STRN: variants seen among roughly 807,000 people sequenced by gnomAD.
STRN encodes protein phosphatase 2 regulatory subunit B'''alpha.
A neutral mutation model predicts 96.3 loss-of-function variants in STRN; 53 were observed. The observed-to-expected ratio is 0.55, with a 90% confidence interval of 0.44 to 0.69. The LOEUF is 0.69. Among genes scored for constraint, STRN ranks in the 30% least tolerant of loss-of-function variants. The pLI, the probability that STRN is intolerant of heterozygous loss-of-function variation, is 0.00. For missense variants in STRN, 987 were observed against 963.9 expected (o/e 1.02, Z -0.32); for synonymous variants, 428 against 355.9 (o/e 1.20, Z -2.28).
At chr2:36,932,060 T>C (rs1670588722) in intron 1 of STRN, among the ~76,000 whole-genome samples, 1 of 152,128 alleles carries the variant, frequency 6.6e-6, no homozygotes, top group South Asian at 2.1e-4. Context: ...CCTCAAGCAA[T>C]CCTCTCACCT....
intron 1 of STRN, among the ~76,000 whole-genome samples, chr2:36,928,228 G>C (rs188463822): frequency 2.7e-3 from 414 of 152,086 alleles, no homozygotes; most frequent in African/African-American, 9.7e-3. Context: ...TTAAATTCCA[G>C]CTAAAAATTC....
At chr2:36,908,094 A>G (rs1669869727) in intron 3 of STRN, among the ~76,000 whole-genome samples, 1 of 152,252 alleles carries the variant, frequency 6.6e-6, no homozygotes, top group African/African-American at 2.4e-5. Context: ...GGATCTGTGC[A>G]GGTAACATAG....
At chr2:36,959,038 C>T (rs1241746130) in intron 1 of STRN, among the ~76,000 whole-genome samples, 3 of 152,148 alleles carry the variant, frequency 2.0e-5, no homozygotes, top group African/African-American at 7.2e-5. Flanking sequence ...ATTGCTTGAA[C>T]CCAGGAGGCG....
intron 15 of STRN, among the ~76,000 whole-genome samples, chr2:36,854,288 G>GA (rs1217591463): frequency 6.6e-6 from 1 of 152,046 alleles, no homozygotes; most frequent in Non-Finnish European, 1.5e-5. Flanking sequence ...ATTTCTTGCT[G>GA]AAAAAAATTC....
intron 13 of STRN, among the ~76,000 whole-genome samples, chr2:36,858,275 C>T (rs915687138): frequency 6.6e-6 from 1 of 151,948 alleles, no homozygotes; most frequent in African/African-American, 2.4e-5. Context: ...TGAGTATTTC[C>T]TCCCCCTTCC....
chr2:36,873,718 G>T (rs536556536), intron 10 of STRN, among the ~76,000 whole-genome samples: 3 of 152,068 alleles, frequency 2.0e-5, no homozygotes, highest in African/African-American at 7.2e-5. Flanking sequence ...GCTGAGGTGC[G>T]TGGATGATGA....
intron 10 of STRN, among the ~76,000 whole-genome samples, chr2:36,874,289 G>GT (rs1030065490): frequency 1.3e-5 from 2 of 151,058 alleles, no homozygotes; most frequent in African/African-American, 4.9e-5. Context: ...AGCAAAAACT[G>GT]TAAGACCTCA....
intron 12 of STRN, among the ~76,000 whole-genome samples, chr2:36,863,128 A>G (rs1049402204): frequency 6.6e-6 from 1 of 151,374 alleles, no homozygotes; most frequent in African/African-American, 2.4e-5. Context: ...TGGGTTGTCT[A>G]TTTACGCTGT....
Position 36,855,271 on chromosome 2 carries a change from C to T in STRN, c.1919G>A (p.Ser640Asn), listed in dbSNP as rs199834082. ...TTGTTGTGTTTCCATGTTAAAAATG[C>T]TTGTATATCCCTTGCTGAATGATGC... ...MVASFSKGYT[S>N]IFNMETQQRI... is the part of the protein sequence containing the mutation. The change falls in exon 15 of 18, where the codon AGC becomes AAC. Residue 640 changes from serine (S) to asparagine (N), a missense_variant. Ser to Asn is a conservative substitution (Grantham distance 46). Transcript: ENST00000263918. 3.1e-5 allele frequency: 50 copies of T among 1,613,668 alleles called. No individual in the cohort carries two copies. Among genetic ancestry groups the T allele is most frequent in the Non-Finnish European group, 4.1e-5 (48 of 1,179,822 alleles).
intron 2 of STRN, among the ~76,000 whole-genome samples, chr2:36,922,819 T>C (rs1172788764): frequency 1.3e-5 from 2 of 152,014 alleles, no homozygotes; most frequent in African/African-American, 2.4e-5. Context: ...CTCCTCTTAC[T>C]CTGCACTCCT....
At chr2:36,869,348 A>G (rs1029695070) in intron 11 of STRN, among the ~76,000 whole-genome samples, 1 of 152,248 alleles carries the variant, frequency 6.6e-6, no homozygotes, top group Non-Finnish European at 1.5e-5. Flanking sequence ...TGGTGAAACC[A>G]ACAGATAATA....
chr2:36,900,308 C>G (rs922170952), intron 5 of STRN, among the ~76,000 whole-genome samples: 1 of 152,144 alleles, frequency 6.6e-6, no homozygotes, highest in Non-Finnish European at 1.5e-5. Flanking sequence ...ATCTCTACCG[C>G]CGTTTTTCTC....
In STRN at chr2:36,851,102, T is replaced by A; in HGVS notation, c.1984A>T (p.Asn662Tyr). ...TLESNVDTTA[N>Y]SSCQINRVIS... ...ACTCTATTTATTTGGCAGGAAGAGT[T>A]GGCTGCTAAAAAGAAAAAATTAAAA... Residue 662 changes from asparagine (N) to tyrosine (Y), a missense_variant, in exon 16 of 18, where the codon AAC (asparagine) becomes TAC (tyrosine). By Grantham distance (143) the Asn-to-Tyr change is moderately radical. Transcript: ENST00000263918. 5.0e-6 allele frequency: 8 copies of A among 1,611,494 alleles called. No homozygotes were observed. The highest frequency in any genetic ancestry group is 6.8e-6 in the Non-Finnish European group (8 of 1,179,040).
At position 36,964,180 on chromosome 2, in the gene STRN, C is replaced by CCGG. The variant is rs1553408120; in HGVS notation, c.234+2049_234+2050insCCG. ...AAACGAGGAGAGGGAGTGAACGGGG[C>CCGG]GGGGCGGGGGGAAGGATGGGTTGGA... On this transcript the variant is annotated intron_variant, in intron 1 of 17. Transcript: ENST00000263918. Among the ~76,000 whole-genome samples, 8 of 74,700 alleles carry CCGG rather than the reference C, an allele frequency of 1.1e-4. No individual in the cohort carries two copies. The East Asian group carries it at 2.8e-3, about 26-fold the overall frequency. 49.0% of individuals were successfully genotyped at this position (74,700 alleles called of 152,430 possible).
rs547220125 is a variant in STRN, at chr2:36,842,254, C to G, written c.*7202G>C. On this transcript the variant is annotated 3_prime_UTR_variant, in exon 18 of 18. Coordinates refer to ENST00000263918, the MANE Select transcript of STRN (RefSeq NM_003162.4). ...AATTGTGGATGATGGGTTTCCCTAC[C>G]ATTACCCTTAATTTGATGCTATTAG... 6.6e-6 allele frequency: 1 copy of G among 152,034 alleles called. No homozygotes were observed. Among genetic ancestry groups the G allele is most frequent in the African/African-American group, 2.4e-5 (1 of 41,396 alleles). The allele number at this position is 152,034 out of a possible 1,614,324, so 9.4% of individuals were successfully genotyped here.
intron 1 of STRN, among the ~76,000 whole-genome samples, chr2:36,955,253 C>T (rs1664856521): frequency 6.6e-6 from 1 of 152,200 alleles, no homozygotes; most frequent in South Asian, 2.1e-4. Flanking sequence ...CCAATTCACA[C>T]AGTGACCTGA....
intron 15 of STRN, among the ~76,000 whole-genome samples, chr2:36,851,483 AAAAAAAGAAAAG>A (rs137985375): frequency 0.038 from 5,776 of 152,244 alleles, 156 homozygotes; most frequent in East Asian, 0.13. Flanking sequence ...ACTCCATTTC[AAAAAAAGAAAAG>A]AAAAAAGAAA....
intron 12 of STRN, among the ~76,000 whole-genome samples, chr2:36,865,018 C>T (rs1262584367): frequency 6.6e-6 from 1 of 152,112 alleles, no homozygotes; most frequent in Non-Finnish European, 1.5e-5. Context: ...CCCGGCCCCT[C>T]CTCCTCAATT....
rs3080759 is a variant in STRN at position 36,927,524 on chromosome 2, A to AGGGG, written c.235-2320_235-2317dup. Among the ~76,000 whole-genome samples, 127 of 79,500 alleles carry AGGGG rather than the reference A, an allele frequency of 1.6e-3. 1 individual carries two copies. Among genetic ancestry groups the AGGGG allele is most frequent in the Middle Eastern group, 7.0e-3 (1 of 142 alleles). The allele number at this position is 79,500 out of a possible 152,430, so 52.2% of individuals were successfully genotyped here. A position where few individuals can be genotyped will look rare whatever the true frequency, so the allele number is the denominator to read the frequency against. On this transcript the variant is annotated intron_variant, in intron 1 of 17. Coordinates refer to ENST00000263918, the MANE Select transcript of STRN (RefSeq NM_003162.4). ...ACCCTATATCAAAAAAACAAAAAAA[A>AGGGG]GGGGGGGGGGGGTGGTAATCAGGGC...
Sources: allele counts gnomAD v4.1 joint callset (sites outside exome capture counted in the v4.1 genomes callset), GRCh38; gene constraint gnomAD v4.1.1; transcripts MANE v1.5; gene names NCBI Gene and HGNC (gene_info 2026-07-23, HGNC 2026-07-21).